CSMD1: variants seen among roughly 807,000 people sequenced by gnomAD.
CSMD1 encodes CUB and sushi domain-containing protein 1.
In CSMD1, 213 loss-of-function variants were observed where a neutral mutation model predicts 417.5. The ratio of observed to expected loss-of-function variants is 0.51; its 90% CI spans 0.46 to 0.57. The LOEUF is 0.57. Among genes scored for constraint, CSMD1 ranks in the 20% least tolerant of loss-of-function variants. The pLI, the probability that CSMD1 is intolerant of heterozygous loss-of-function variation, is 0.00. For missense variants in CSMD1, 6,923 were observed against 4,529.7 expected, an observed-to-expected ratio of 1.53 and a Z score of -15.17; for synonymous variants, 2,862 against 1,736.8, an observed-to-expected ratio of 1.65 and a Z score of -16.11.
intron 26 of CSMD1, among the ~76,000 whole-genome samples, chr8:3,256,592 C>G (rs970416619): frequency 3.9e-5 from 6 of 152,184 alleles, no homozygotes; most frequent in African/African-American, 1.2e-4. Flanking sequence ...AATGAACCAA[C>G]AACACTGGCT....
chr8:4,824,817 G>C (rs572644171), intron 1 of CSMD1, among the ~76,000 whole-genome samples: 4 of 152,106 alleles, frequency 2.6e-5, no homozygotes, highest in Admixed American at 1.3e-4. Flanking sequence ...AAATGACCAG[G>C]TATATAGCCT....
intron 17 of CSMD1, among the ~76,000 whole-genome samples, chr8:3,390,898 C>G (rs866166489): frequency 3.9e-5 from 6 of 151,966 alleles, no homozygotes; most frequent in Non-Finnish European, 8.8e-5. Flanking sequence ...TCACAGCCTC[C>G]GAGAGGTTTC....
At chr8:3,140,764 A>C (rs1177095659) in intron 41 of CSMD1, among the ~76,000 whole-genome samples, 1 of 152,166 alleles carries the variant, frequency 6.6e-6, no homozygotes, top group Non-Finnish European at 1.5e-5. Context: ...TAACGTTTTC[A>C]ACCTCATTTG....
At chr8:3,776,893 T>A (rs1798921735) in intron 5 of CSMD1, among the ~76,000 whole-genome samples, 1 of 151,486 alleles carries the variant, frequency 6.6e-6, no homozygotes, top group African/African-American at 2.4e-5. Flanking sequence ...CTTTGTATTT[T>A]TTGCAGAGAC....
At chr8:3,143,245 C>G (rs1334932433) in intron 40 of CSMD1, among the ~76,000 whole-genome samples, 1 of 152,134 alleles carries the variant, frequency 6.6e-6, no homozygotes, top group African/African-American at 2.4e-5. Flanking sequence ...CTTTTACTAA[C>G]TGGACGGTCA....
At chr8:4,284,358 AACT>A (rs1431434363) in intron 3 of CSMD1, among the ~76,000 whole-genome samples, 3 of 151,304 alleles carry the variant, frequency 2.0e-5, no homozygotes, top group African/African-American at 7.3e-5. Context: ...ACAAGAGAGA[AACT>A]ACAACCCCCC....
chr8:3,450,293 T>A (rs1485519657), intron 12 of CSMD1, among the ~76,000 whole-genome samples: 1 of 150,678 alleles, frequency 6.6e-6, no homozygotes, highest in African/African-American at 2.5e-5. Flanking sequence ...ATACACATGG[T>A]TGCATACAAG....
chr8:4,304,762 T>C (rs912452046), intron 3 of CSMD1, among the ~76,000 whole-genome samples: 10 of 152,152 alleles, frequency 6.6e-5, no homozygotes, highest in Non-Finnish European at 1.2e-4. Context: ...AAAATAAATA[T>C]ACATTACAAT....
chr8:3,805,635 G>A (rs1585025922), intron 5 of CSMD1, among the ~76,000 whole-genome samples: 1 of 152,132 alleles, frequency 6.6e-6, no homozygotes. Flanking sequence ...TATTACCTTG[G>A]TGGGGAGTAA....
intron 1 of CSMD1, among the ~76,000 whole-genome samples, chr8:4,670,077 G>C (rs1171587114): frequency 6.6e-6 from 1 of 152,168 alleles, no homozygotes; most frequent in Non-Finnish European, 1.5e-5. Context: ...AGCTGGTTTG[G>C]TGCCCCCACG....
rs747879743 is a variant in CSMD1 at position 4,728,557 on chromosome 8, T to C, written c.86-90999A>G. On this transcript the variant is annotated intron_variant, in intron 1 of 69. Transcript: ENST00000635120. ...CAATCTTTAGCTTATTTGGAGCTCTTCATGTCTTTATTCAGCTCTGTTACT... is the reference window on the plus strand; with the variant it reads ...CAATCTTTAGCTTATTTGGAGCTCTCCATGTCTTTATTCAGCTCTGTTACT... 4.7e-4 allele frequency among the ~76,000 whole-genome samples: 71 copies of C among 152,294 alleles called. 1 individual carries two copies. Among genetic ancestry groups the C allele is most frequent in the Non-Finnish European group, 8.8e-4 (60 of 68,024 alleles).
At chr8:4,799,805 T>A (rs1274095307) in intron 1 of CSMD1, among the ~76,000 whole-genome samples, 1 of 151,744 alleles carries the variant, frequency 6.6e-6, no homozygotes, top group Non-Finnish European at 1.5e-5. Context: ...AAAGTGACAA[T>A]ATGCAAAGAG....
intron 49 of CSMD1, among the ~76,000 whole-genome samples, chr8:3,077,564 C>A (rs1304622622): frequency 2.0e-5 from 3 of 152,224 alleles, no homozygotes; most frequent in Admixed American, 1.3e-4. Flanking sequence ...GTAGTAGTCA[C>A]TTCCTTTGAA....
At chr8:3,447,999 C>G (rs1161224770) in intron 12 of CSMD1, among the ~76,000 whole-genome samples, 1 of 152,036 alleles carries the variant, frequency 6.6e-6, no homozygotes. Context: ...AAATGAGAGT[C>G]CTGATACCAC....
In CSMD1 at chr8:4,444,468, G is replaced by A. The variant is rs375468557; in HGVS notation, c.303-24403C>T. On this transcript the variant is annotated intron_variant, in intron 2 of 69. Coordinates refer to ENST00000635120, the MANE Select transcript of CSMD1 (RefSeq NM_033225.6). ...GCATGTGAGAAAACCACCTGAGGAAGACATAAGCAGTCGCATTCAATTAGG... is the reference window on the plus strand; with the variant it reads ...GCATGTGAGAAAACCACCTGAGGAAAACATAAGCAGTCGCATTCAATTAGG... 6.6e-4 allele frequency among the ~76,000 whole-genome samples: 99 copies of A among 149,906 alleles called. 3 individuals carry two copies. In the South Asian group the frequency reaches 0.02, roughly 31 times the overall value.
At chr8:3,613,797 A>C (rs1802008047) in intron 8 of CSMD1, among the ~76,000 whole-genome samples, 1 of 151,970 alleles carries the variant, frequency 6.6e-6, no homozygotes, top group African/African-American at 2.4e-5. Flanking sequence ...ATCTATGAAA[A>C]ACCAACAAGC....
At chr8:3,302,901 A>G (rs1307532977) in intron 25 of CSMD1, among the ~76,000 whole-genome samples, 1 of 152,174 alleles carries the variant, frequency 6.6e-6, no homozygotes. Context: ...GTGGGGTTGC[A>G]GGTTTCTTTC....
At chr8:4,209,713 T>A (rs934735451) in intron 3 of CSMD1, among the ~76,000 whole-genome samples, 1 of 152,136 alleles carries the variant, frequency 6.6e-6, no homozygotes, top group Non-Finnish European at 1.5e-5. Flanking sequence ...CAACTTTTAT[T>A]GACTGAAGCA....
Position 3,521,339 on chromosome 8 carries a change from T to A in CSMD1, c.1345-27613A>T, listed in dbSNP as rs150558042. ...ATTCACATGTCTTTTCACCTCTGTT[T>A]CTTTGCTGTTGGCCCTTCTCCCATG... On this transcript the variant is annotated intron_variant, in intron 10 of 69. Transcript: ENST00000635120. 2.0e-4 allele frequency among the ~76,000 whole-genome samples: 31 copies of A among 152,250 alleles called. No homozygotes were observed. In the East Asian group the frequency reaches 5.8e-3, roughly 28 times the overall value.
Sources: allele counts gnomAD v4.1 joint callset (sites outside exome capture counted in the v4.1 genomes callset), GRCh38; gene constraint gnomAD v4.1.1; transcripts MANE v1.5; gene names NCBI Gene and HGNC (gene_info 2026-07-23, HGNC 2026-07-21).